The following EIF4G3 variants were observed in gnomAD, a reference collection of about 807,000 sequenced individuals.
EIF4G3 encodes the protein eIF-4-gamma 3.
A neutral mutation model predicts 186.4 loss-of-function variants in EIF4G3; 34 were observed. The ratio of observed to expected loss-of-function variants is 0.18; its 90% CI spans 0.14 to 0.24. EIF4G3 has a LOEUF of 0.24. EIF4G3 is among the 10% of genes least tolerant of loss of function. The pLI, the probability that EIF4G3 is intolerant of heterozygous loss-of-function variation, is 1.00. For missense variants in EIF4G3, 1,536 were observed against 1,948.5 expected, an observed-to-expected ratio of 0.79 and a Z score of 3.99; for synonymous variants, 673 against 679.5, an observed-to-expected ratio of 0.99 and a Z score of 0.15.
intron 3 of EIF4G3, among the ~76,000 whole-genome samples, chr1:21,066,982 A>G (rs556045209): frequency 3.3e-5 from 5 of 152,310 alleles, no homozygotes; most frequent in African/African-American, 9.6e-5. Flanking sequence ...GAACTTTATT[A>G]TTATTTCTAC....
intron 2 of EIF4G3, among the ~76,000 whole-genome samples, chr1:21,097,700 C>T (rs2101681015): frequency 6.6e-6 from 1 of 152,244 alleles, no homozygotes; most frequent in African/African-American, 2.4e-5. Context: ...GGTGCAAAGG[C>T]AATTAAGTGG....
intron 2 of EIF4G3, among the ~76,000 whole-genome samples, chr1:21,160,022 G>A (rs755627519): frequency 2.4e-4 from 36 of 151,494 alleles, no homozygotes; most frequent in Non-Finnish European, 4.9e-4. Flanking sequence ...CAAGCTAATC[G>A]CTTGAACCTG....
At chr1:21,139,374 G>A (rs1016232899) in intron 2 of EIF4G3, among the ~76,000 whole-genome samples, 67 of 152,224 alleles carry the variant, frequency 4.4e-4, no homozygotes, top group African/African-American at 1.6e-3. Flanking sequence ...AGAATCGCTT[G>A]AGGCCACGAG....
In EIF4G3 at chr1:21,086,878, G is replaced by C. The variant is rs139760638; in HGVS notation, c.-196+2260C>G. Among the ~76,000 whole-genome samples, 353 of 150,674 alleles carry C rather than the reference G, an allele frequency of 2.3e-3. 6 individuals are homozygous for C. In the East Asian group the frequency reaches 0.055, roughly 24 times the overall value. On this transcript the variant is annotated intron_variant, in intron 3 of 36. Transcript: ENST00000602326. ...TCACTTGAACCAGGAGGCAGAGGTTGTAGTGAGCCAAGATCGAGCCACGGC... is the reference window on the plus strand; with the variant it reads ...TCACTTGAACCAGGAGGCAGAGGTTCTAGTGAGCCAAGATCGAGCCACGGC...
chr1:21,088,999 C>T (rs1310767406), intron 3 of EIF4G3, 139 bp downstream of exon 3: 1 of 609,760 alleles, frequency 1.6e-6, no homozygotes, highest in East Asian at 2.8e-5. Flanking sequence ...TGGAAAGGGC[C>T]TATCATTCTA....
At chr1:20,825,519 C>G (rs2063394490) in intron 32 of EIF4G3, among the ~76,000 whole-genome samples, 1 of 152,144 alleles carries the variant, frequency 6.6e-6, no homozygotes, top group South Asian at 2.1e-4. Flanking sequence ...ACTAAGATGT[C>G]TGAATGCACA....
intron 4 of EIF4G3, among the ~76,000 whole-genome samples, chr1:21,022,397 G>A (rs1330791721): frequency 3.3e-5 from 5 of 152,134 alleles, no homozygotes; most frequent in Non-Finnish European, 5.9e-5. Context: ...TGTGACTCCC[G>A]TAGTACTTAC....
intron 2 of EIF4G3, among the ~76,000 whole-genome samples, chr1:21,168,399 G>A (rs77172710): frequency 0.029 from 4,400 of 150,416 alleles, 133 homozygotes; most frequent in East Asian, 0.14. Context: ...GCGAGGCTCC[G>A]TCTCAATTTT....
chr1:20,866,060 A>G (rs560636061), intron 20 of EIF4G3, among the ~76,000 whole-genome samples: 1 of 152,334 alleles, frequency 6.6e-6, no homozygotes, highest in East Asian at 1.9e-4. Context: ...TCTGAGCACC[A>G]TTTTGAACAG....
At chr1:20,835,703 G>A (rs2066552561) in intron 30 of EIF4G3, among the ~76,000 whole-genome samples, 1 of 152,124 alleles carries the variant, frequency 6.6e-6, no homozygotes, top group South Asian at 2.1e-4. Context: ...ACTTTGAGAG[G>A]CCAAGGTGGA....
chr1:21,048,685 T>TTCCC (rs2094032352), intron 4 of EIF4G3, among the ~76,000 whole-genome samples: 1 of 152,082 alleles, frequency 6.6e-6, no homozygotes, highest in East Asian at 1.9e-4. Flanking sequence ...GCGAACAGCT[T>TTCCC]TCCCTCGGCA....
chr1:20,913,800 A>ATTTT (rs68098768), intron 14 of EIF4G3, among the ~76,000 whole-genome samples: 22 of 75,672 alleles, frequency 2.9e-4, no homozygotes, highest in Non-Finnish European at 3.7e-4. Context: ...AATTATTAGA[A>ATTTT]TTTTTTTTTT....
chr1:21,167,330 T>C (rs1225893606), intron 2 of EIF4G3, among the ~76,000 whole-genome samples: 10 of 152,284 alleles, frequency 6.6e-5, no homozygotes, highest in South Asian at 4.1e-4. Context: ...CTGTGGTCTT[T>C]TCCTCCTTCC....
chr1:21,003,670 A>AT (rs564099133), intron 4 of EIF4G3: 523 of 364,876 alleles, frequency 1.4e-3, no homozygotes, highest in Non-Finnish European at 2.3e-3. Flanking sequence ...TTATTCTGCC[A>AT]TTTTTTTTCT....
chr1:20,827,640 A>C lies in EIF4G3; in HGVS notation c.4246T>G (p.Leu1416Val). 6.2e-7 allele frequency: 1 copy of C among 1,611,658 alleles called. No individual in the cohort carries two copies. The highest frequency in any genetic ancestry group is 8.5e-7 in the Non-Finnish European group (1 of 1,178,060). Reference protein sequence around the residue: ...GRAGVLLSEILHLLCKQMSHK... With the variant: ...GRAGVLLSEIVHLLCKQMSHK... ...ACCATTTGTTTGCATAGTAGGTGCA[A>C]TATTTCAGATAGCAAGACCCCAGCT... Residue 1416 changes from leucine (L) to valine (V), a missense_variant, in exon 32 of 37, where the codon TTG (leucine) becomes GTG (valine). Leu to Val is a conservative substitution (Grantham distance 32, BLOSUM62 1). Around this residue, in one of 11 missense-constraint regions of EIF4G3, gnomAD observed 395 missense variants for 498.9 expected, o/e 0.79. Transcript: ENST00000602326.
intron 2 of EIF4G3, among the ~76,000 whole-genome samples, chr1:21,168,996 G>C (rs1463110353): frequency 2.0e-5 from 3 of 152,010 alleles, no homozygotes; most frequent in Admixed American, 1.3e-4. Flanking sequence ...TGGGTAACAT[G>C]GCAAAACCCC....
intron 4 of EIF4G3, among the ~76,000 whole-genome samples, chr1:21,020,809 AAG>A (rs1422950784): frequency 6.6e-6 from 1 of 152,216 alleles, no homozygotes; most frequent in African/African-American, 2.4e-5. Context: ...AGTGAAATAA[AAG>A]AGTGTAAGCT....
At chr1:20,982,061 G>A (rs1344090977) in intron 8 of EIF4G3, among the ~76,000 whole-genome samples, 1 of 152,088 alleles carries the variant, frequency 6.6e-6, no homozygotes, top group Non-Finnish European at 1.5e-5. Flanking sequence ...CCATCTGTAG[G>A]GTTGTCACAT....
chr1:21,034,517 C>A (rs960866242), intron 4 of EIF4G3, among the ~76,000 whole-genome samples: 2 of 152,202 alleles, frequency 1.3e-5, no homozygotes, highest in African/African-American at 4.8e-5. Context: ...TTCTATCAAC[C>A]AAACTCTAAA....
Sources: allele counts gnomAD v4.1 joint callset (sites outside exome capture counted in the v4.1 genomes callset), GRCh38; gene constraint gnomAD v4.1.1; regional missense constraint gnomAD v4.1.1; transcripts MANE v1.5; gene names NCBI Gene and HGNC (gene_info 2026-07-23, HGNC 2026-07-21).